ADAMTS6: variants seen among roughly 807,000 people sequenced by gnomAD.
ADAMTS6 encodes A disintegrin and metalloproteinase with thrombospondin motifs 6.
Under a neutral mutation model 144.3 loss-of-function variants are expected in ADAMTS6, and 23 were observed. The ratio of observed to expected loss-of-function variants is 0.16; its 90% CI spans 0.11 to 0.23. ADAMTS6 has a LOEUF of 0.23. Among genes scored for constraint, ADAMTS6 ranks in the 10% least tolerant of loss-of-function variants. ADAMTS6 has a pLI of 1.00. For synonymous variants in ADAMTS6, 444 were observed against 457.5 expected, an observed-to-expected ratio of 0.97 and a Z score of 0.38; for missense variants, 999 against 1,379.6, an observed-to-expected ratio of 0.72 and a Z score of 4.37.
chr5:65,345,372 T>C (rs1748222318), intron 7 of ADAMTS6, among the ~76,000 whole-genome samples: 1 of 151,742 alleles, frequency 6.6e-6, no homozygotes. Flanking sequence ...TTGCTGTATG[T>C]TTGTAAGGGA....
intron 20 of ADAMTS6, among the ~76,000 whole-genome samples, chr5:65,199,711 C>T (rs1019885858): frequency 2.6e-5 from 4 of 152,126 alleles, no homozygotes; most frequent in Non-Finnish European, 5.9e-5. Flanking sequence ...ATGTAGTTGG[C>T]AGGTCATTCA....
At chr5:65,347,083 T>C (rs1382413607) in intron 7 of ADAMTS6, among the ~76,000 whole-genome samples, 1 of 151,592 alleles carries the variant, frequency 6.6e-6, no homozygotes, top group Non-Finnish European at 1.5e-5. Flanking sequence ...TGTTCATGGA[T>C]CAGAAAAATC....
At chr5:65,338,871 C>G (rs564592367) in intron 7 of ADAMTS6, among the ~76,000 whole-genome samples, 2 of 152,314 alleles carry the variant, frequency 1.3e-5, no homozygotes, top group South Asian at 4.1e-4. Context: ...AGACTTGCCA[C>G]CAAGCCAGCT....
At position 65,398,834 on chromosome 5, in the gene ADAMTS6, AAGAAAGAAAGAAAGAAAAAG is replaced by A. The variant is rs1403855187; in HGVS notation, c.1073+52621_1073+52640del. On this transcript the variant is annotated intron_variant, in intron 7 of 24. Transcript: ENST00000381055. Reference sequence around the variant, plus strand: ...AAAGAAAGAAAGAAAGAAAGAAAGAAAGAAAGAAAGAAAGAAAAAGAAAGAGAAAGAAAGAAAGAAAGAAA... The same window carrying A: ...AAAGAAAGAAAGAAAGAAAGAAAGAAAAAGAGAAAGAAAGAAAGAAAGAAA... Among the ~76,000 whole-genome samples the A allele has an allele frequency of 1.1e-3, 150 of 141,376 alleles. 2 individuals are homozygous for A. In the East Asian group the frequency reaches 0.022, roughly 20 times the overall value. 92.7% of individuals were successfully genotyped at this position (141,376 alleles called of 152,430 possible).
chr5:65,302,069 G>A (rs1211484192), intron 9 of ADAMTS6, among the ~76,000 whole-genome samples: 1 of 132,248 alleles, frequency 7.6e-6, no homozygotes, highest in Non-Finnish European at 1.5e-5. Flanking sequence ...TATAGCTAGG[G>A]TAACAGAGCA....
At chr5:65,370,795 C>A (rs1174054454) in intron 7 of ADAMTS6, among the ~76,000 whole-genome samples, 1 of 152,234 alleles carries the variant, frequency 6.6e-6, no homozygotes, top group African/African-American at 2.4e-5. Flanking sequence ...GGCCTGCCTG[C>A]CTCTGTAGGC....
intron 3 of ADAMTS6, among the ~76,000 whole-genome samples, chr5:65,470,481 A>G (rs1410657583): frequency 1.3e-5 from 2 of 152,174 alleles, no homozygotes; most frequent in African/African-American, 2.4e-5. Context: ...AGTTTTGTTT[A>G]TGCATAAAAG....
At chr5:65,160,534 G>A (rs1172075088) in intron 24 of ADAMTS6, among the ~76,000 whole-genome samples, 1 of 151,994 alleles carries the variant, frequency 6.6e-6, no homozygotes, top group African/African-American at 2.4e-5. Flanking sequence ...TCAATCTCCT[G>A]ACCTCGTGAT....
chr5:65,313,300 CTTTAT>C (rs1246370259), intron 9 of ADAMTS6, among the ~76,000 whole-genome samples: 1 of 151,956 alleles, frequency 6.6e-6, no homozygotes, highest in Non-Finnish European at 1.5e-5. Context: ...AATTGTTAGA[CTTTAT>C]TTTAATAACT....
chr5:65,252,898 A>G (rs575224816), intron 14 of ADAMTS6, among the ~76,000 whole-genome samples: 2 of 151,744 alleles, frequency 1.3e-5, no homozygotes, highest in East Asian at 3.9e-4. Flanking sequence ...CTTTTTTTCT[A>G]TTTTTTATTT....
At chr5:65,209,617 A>T (rs533555411) in intron 20 of ADAMTS6, among the ~76,000 whole-genome samples, 1 of 152,338 alleles carries the variant, frequency 6.6e-6, no homozygotes, top group East Asian at 1.9e-4. Flanking sequence ...ATCTTAAAAG[A>T]TCTCATAAGA....
At position 65,169,222 on chromosome 5, in the gene ADAMTS6, A is replaced by G. The variant is rs4613660; in HGVS notation, c.3244+1395T>C. Among the ~76,000 whole-genome samples, 161 of 46,886 alleles carry G rather than the reference A, an allele frequency of 3.4e-3. 26 individuals carry two copies. The highest frequency in any genetic ancestry group is 0.023 in the Middle Eastern group (2 of 88). The allele number at this position is 46,886 out of a possible 152,430, so 30.8% of individuals were successfully genotyped here. A position where few individuals can be genotyped will look rare whatever the true frequency, so the allele number is the denominator to read the frequency against. ...CAAACAACCCCATCAAAAAGTGGGC[A>G]AAGGACATGAACAGACACTTCTCAA... On this transcript the variant is annotated intron_variant, in intron 24 of 24. Transcript: ENST00000381055.
intron 14 of ADAMTS6, among the ~76,000 whole-genome samples, chr5:65,253,952 C>T (rs1760433042): frequency 6.6e-6 from 1 of 150,872 alleles, no homozygotes; most frequent in East Asian, 2.0e-4. Flanking sequence ...TCAAGCAATC[C>T]TCCCACCTCA....
At chr5:65,326,020 T>C (rs943935188) in intron 9 of ADAMTS6, among the ~76,000 whole-genome samples, 5 of 152,198 alleles carry the variant, frequency 3.3e-5, no homozygotes, top group Non-Finnish European at 5.9e-5. Flanking sequence ...TCTCTTTCTT[T>C]TTTTCCTTTC....
intron 7 of ADAMTS6, among the ~76,000 whole-genome samples, chr5:65,376,438 G>C (rs990910395): frequency 1.8e-4 from 27 of 151,472 alleles, no homozygotes; most frequent in African/African-American, 6.5e-4. Flanking sequence ...GAGACAAAGG[G>C]AGACTCCATC....
intron 14 of ADAMTS6, among the ~76,000 whole-genome samples, chr5:65,242,998 T>C (rs1395395798): frequency 6.6e-6 from 1 of 152,092 alleles, no homozygotes; most frequent in African/African-American, 2.4e-5. Context: ...AGATTCTATA[T>C]ACCACAGGGT....
chr5:65,384,117 C>T (rs140384381), intron 7 of ADAMTS6, among the ~76,000 whole-genome samples: 2 of 152,264 alleles, frequency 1.3e-5, no homozygotes, highest in Middle Eastern at 3.4e-3. Context: ...GTCATTCTTT[C>T]GTTGTCTTGA....
chr5:65,439,466 T>C (rs550788540), intron 7 of ADAMTS6, among the ~76,000 whole-genome samples: 12 of 152,278 alleles, frequency 7.9e-5, no homozygotes, highest in Non-Finnish European at 1.6e-4. Context: ...ACATAATGTA[T>C]AATCCTAATT....
chr5:65,452,962 A>G, intron 4 of ADAMTS6, 44 bp from the exon 5 acceptor site: 5 of 1,420,956 alleles, frequency 3.5e-6, no homozygotes, highest in Non-Finnish European at 4.9e-6. Flanking sequence ...CTAATTAAAA[A>G]TATTTATTTA....
Sources: gnomAD v4.1 joint callset for allele counts (sites outside exome capture counted in the v4.1 genomes callset) on GRCh38, gnomAD v4.1.1 for gene constraint, MANE v1.5 for transcripts, NCBI Gene and HGNC (gene_info 2026-07-23, HGNC 2026-07-21) for gene names.